AFG2B: variants seen among roughly 807,000 people sequenced by gnomAD.
The protein encoded by AFG2B is ATPase family gene 2 protein homolog B.
the AFG2B span, chr15:45,418,630 C>T: frequency 6.2e-7 from 1 of 1,614,076 alleles, no homozygotes; most frequent in Non-Finnish European, 8.5e-7. Flanking sequence ...GAAAACCTCG[C>T]AGCAGAAACC....
chr15:45,417,497 T>A, the AFG2B span: 4 of 1,315,368 alleles, frequency 3.0e-6, no homozygotes, highest in East Asian at 2.4e-5. Flanking sequence ...GGGTTCCGCC[T>A]TCTTCCTTGC....
At chr15:45,405,411 G>A in the AFG2B span, 5 of 1,614,030 alleles carry the variant, frequency 3.1e-6, no homozygotes, top group African/African-American at 6.7e-5. Context: ...GTTGATTTGG[G>A]CCTTCTTGCA....
the AFG2B span, chr15:45,406,908 C>A: frequency 1.2e-6 from 1 of 811,228 alleles, no homozygotes. Context: ...TAGACCAAAA[C>A]TACTTGAAGT....
the AFG2B span, chr15:45,402,373 T>C: frequency 1.3e-6 from 2 of 1,552,364 alleles, no homozygotes; most frequent in South Asian, 2.4e-5. Context: ...GTTCCGCTTT[T>C]TGTGGGCCGG....
At chr15:45,405,290 C>T in the AFG2B span, 1 of 1,598,324 alleles carries the variant, frequency 6.3e-7, no homozygotes, top group Non-Finnish European at 8.5e-7. Flanking sequence ...TATACTTCTT[C>T]TTCTTTTTTT....
the AFG2B span, chr15:45,410,351 T>C: frequency 5.0e-6 from 8 of 1,601,718 alleles, no homozygotes; most frequent in Middle Eastern, 1.7e-4. Context: ...TGATTTTGCT[T>C]TTTTGGGTGT....
chr15:45,402,762 C>T, the AFG2B span: 1 of 1,580,536 alleles, frequency 6.3e-7, no homozygotes, highest in African/African-American at 1.3e-5. Context: ...GGCGCGTCGC[C>T]GTGTGGCCGG....
the AFG2B span, chr15:45,421,167 A>C: frequency 6.2e-7 from 1 of 1,609,854 alleles, no homozygotes; most frequent in Non-Finnish European, 8.5e-7. Flanking sequence ...TTATATGAAA[A>C]CTTATTTAAG....
the AFG2B span, chr15:45,403,398 C>A: frequency 1.2e-6 from 2 of 1,610,682 alleles, no homozygotes; most frequent in Non-Finnish European, 1.7e-6. Flanking sequence ...GCGTAGTGGC[C>A]CAGGTGTTGA....
chr15:45,417,487 G>A, the AFG2B span: 1 of 1,420,906 alleles, frequency 7.0e-7, no homozygotes, highest in South Asian at 1.4e-5. Flanking sequence ...TACTTACCCT[G>A]GGTTCCGCCT....
chr15:45,407,998 G>T, the AFG2B span, among the ~76,000 whole-genome samples: 1 of 152,152 alleles, frequency 6.6e-6, no homozygotes, highest in Non-Finnish European at 1.5e-5. Context: ...CCATTTGGGG[G>T]TGGCAAAACA....
the AFG2B span, chr15:45,405,536 T>TTG: frequency 6.3e-7 from 1 of 1,597,358 alleles, no homozygotes; most frequent in Non-Finnish European, 8.6e-7. Flanking sequence ...AACATCTATG[T>TTG]TAATCTATTA....
the AFG2B span, among the ~76,000 whole-genome samples, chr15:45,404,633 C>G: frequency 6.6e-6 from 1 of 151,430 alleles, no homozygotes; most frequent in African/African-American, 2.4e-5. Context: ...ATGGTGAAAC[C>G]CCGTCTCTGC....
At chr15:45,409,319 G>C in the AFG2B span, among the ~76,000 whole-genome samples, 2 of 151,012 alleles carry the variant, frequency 1.3e-5, no homozygotes, top group Non-Finnish European at 2.9e-5. Flanking sequence ...GGAGGCTGCA[G>C]GGAGCCAAGA....
At chr15:45,418,533 A>G in the AFG2B span, 1 of 1,570,092 alleles carries the variant, frequency 6.4e-7, no homozygotes, top group Non-Finnish European at 8.6e-7. Flanking sequence ...AAGATTTAAA[A>G]TACTGTTTTT....
At chr15:45,419,478 G>T in the AFG2B span, among the ~76,000 whole-genome samples, 1 of 151,216 alleles carries the variant, frequency 6.6e-6, no homozygotes, top group African/African-American at 2.4e-5. Flanking sequence ...AAAAAAAAAA[G>T]CTGAAGGAGT....
the AFG2B span, among the ~76,000 whole-genome samples, chr15:45,403,896 G>C: frequency 1.3e-5 from 2 of 152,162 alleles, no homozygotes; most frequent in African/African-American, 4.8e-5. Context: ...TTTTTGGAAT[G>C]AGAATTTAAA....
the AFG2B span, chr15:45,418,422 A>C: frequency 1.5e-6 from 1 of 678,056 alleles, no homozygotes; most frequent in African/African-American, 1.9e-5. Flanking sequence ...GCCATTGATG[A>C]CTTAGTCTTT....
the AFG2B span, chr15:45,403,586 C>T: frequency 6.4e-7 from 1 of 1,565,594 alleles, no homozygotes; most frequent in Non-Finnish European, 8.6e-7. Flanking sequence ...CATTTGGCTG[C>T]CCCGGAGGCG....
Sources: gnomAD v4.1 joint callset for allele counts (sites outside exome capture counted in the v4.1 genomes callset) on GRCh38, gnomAD v4.1.1 for gene constraint, MANE v1.5 for transcripts, NCBI Gene and HGNC (gene_info 2026-07-23, HGNC 2026-07-21) for gene names.